The following WASL variants were observed in gnomAD, a reference collection of about 807,000 sequenced individuals.
WASL encodes WASP like actin nucleation promoting factor.
In WASL, 20 loss-of-function variants were observed where a neutral mutation model predicts 55.5. The ratio of observed to expected loss-of-function variants is 0.36; its 90% confidence interval spans 0.25 to 0.52. The LOEUF is 0.52. Ranked by LOEUF, WASL falls within the 20% of genes least tolerant of loss-of-function variation. The pLI is 0.92. For missense variants in WASL, 504 were observed against 622.5 expected (o/e 0.81, Z 2.03); for synonymous variants, 249 against 217.6 (o/e 1.14, Z -1.27).
At chr7:123,724,477 T>C (rs1476557904) in intron 1 of WASL, among the ~76,000 whole-genome samples, 4 of 152,220 alleles carry the variant, frequency 2.6e-5, no homozygotes, top group Non-Finnish European at 4.4e-5. Flanking sequence ...ATTTCATTTA[T>C]ACATCCAATA....
chr7:123,731,083 G>A (rs982160398), intron 1 of WASL, among the ~76,000 whole-genome samples: 8 of 152,086 alleles, frequency 5.3e-5, no homozygotes, highest in African/African-American at 1.9e-4. Context: ...GACAGACCCT[G>A]ATAACACTAA....
At chr7:123,706,228 C>T in intron 4 of WASL, 49 bp downstream of exon 4, 4 of 1,532,350 alleles carry the variant, frequency 2.6e-6, no homozygotes, top group Non-Finnish European at 3.6e-6. Context: ...ACACTTGCCC[C>T]ATGAGCATTA....
At chr7:123,693,396 T>C (rs1040564522) in intron 8 of WASL, among the ~76,000 whole-genome samples, 1 of 152,236 alleles carries the variant, frequency 6.6e-6, no homozygotes, top group Non-Finnish European at 1.5e-5. Flanking sequence ...TTTCAAAATG[T>C]AAGCCTTTGT....
intron 1 of WASL, among the ~76,000 whole-genome samples, chr7:123,721,895 A>G (rs917057869): frequency 2.0e-5 from 3 of 149,468 alleles, no homozygotes; most frequent in African/African-American, 7.4e-5. Context: ...AATGTTCTCT[A>G]TTTTTTAGAA....
At chr7:123,732,327 C>A (rs1584872183) in intron 1 of WASL, among the ~76,000 whole-genome samples, 2 of 151,934 alleles carry the variant, frequency 1.3e-5, no homozygotes, top group African/African-American at 4.8e-5. Flanking sequence ...GAGACTCTGT[C>A]TCGAAAAATA....
At chr7:123,701,945 TA>T (rs11413491) in intron 5 of WASL, among the ~76,000 whole-genome samples, 98 of 148,752 alleles carry the variant, frequency 6.6e-4, no homozygotes, top group South Asian at 2.1e-3. Context: ...ACAACACTAT[TA>T]AAAAAAAAAC....
intron 10 of WASL, among the ~76,000 whole-genome samples, chr7:123,684,940 T>A (rs535174237): frequency 4.6e-5 from 7 of 152,126 alleles, no homozygotes; most frequent in African/African-American, 1.7e-4. Context: ...TTTTATTTCC[T>A]TCCCCAATCT....
At chr7:123,718,831 G>C (rs533776902) in intron 1 of WASL, among the ~76,000 whole-genome samples, 1 of 152,332 alleles carries the variant, frequency 6.6e-6, no homozygotes, top group South Asian at 2.1e-4. Context: ...ATTTTAAATA[G>C]TTAATCTAAA....
At chr7:123,704,808 C>T in intron 4 of WASL, 151 bp from the exon 5 acceptor site, 1 of 470,242 alleles carries the variant, frequency 2.1e-6, no homozygotes, top group East Asian at 3.9e-5. Flanking sequence ...AAGTAGAGAT[C>T]TAAATAAAAT....
intron 1 of WASL, chr7:123,720,324 A>G (rs1184392532): frequency 2.2e-6 from 1 of 448,156 alleles, no homozygotes; most frequent in Non-Finnish European, 4.5e-6. Flanking sequence ...CAGCTATACA[A>G]ATAGGATACC....
chr7:123,695,309 CA>C (rs1454950273), intron 7 of WASL, among the ~76,000 whole-genome samples: 26 of 152,116 alleles, frequency 1.7e-4, no homozygotes, highest in Non-Finnish European at 1.5e-5. Flanking sequence ...GTAGCTATAA[CA>C]AAAATAACTA....
At chr7:123,689,928 G>C (rs1434626816) in intron 9 of WASL, among the ~76,000 whole-genome samples, 2 of 151,910 alleles carry the variant, frequency 1.3e-5, no homozygotes, top group Non-Finnish European at 2.9e-5. Flanking sequence ...TTTCCATTTT[G>C]ATCTGTACAA....
intron 1 of WASL, among the ~76,000 whole-genome samples, chr7:123,737,265 G>T (rs1804249738): frequency 6.6e-6 from 1 of 152,138 alleles, no homozygotes; most frequent in Non-Finnish European, 1.5e-5. Context: ...GGTTGGAAAA[G>T]CTTGGTCTAC....
intron 1 of WASL, among the ~76,000 whole-genome samples, chr7:123,740,218 T>C (rs183988335): frequency 6.0e-4 from 91 of 152,176 alleles, no homozygotes; most frequent in Admixed American, 2.7e-3. Flanking sequence ...TATATTATCT[T>C]TTATATATAT....
intron 1 of WASL, among the ~76,000 whole-genome samples, chr7:123,718,951 A>G (rs888774515): frequency 2.0e-5 from 3 of 152,218 alleles, no homozygotes; most frequent in African/African-American, 7.2e-5. Context: ...TACTATAGCT[A>G]TAATAATGCA....
chr7:123,727,932 T>A (rs1038197892), intron 1 of WASL, among the ~76,000 whole-genome samples: 1 of 152,206 alleles, frequency 6.6e-6, no homozygotes, highest in African/African-American at 2.4e-5. Flanking sequence ...GGTAGCTAGA[T>A]AAATTGGAAA....
chr7:123,697,548 ATGT>A (rs1318683825), intron 5 of WASL, among the ~76,000 whole-genome samples: 1 of 152,216 alleles, frequency 6.6e-6, no homozygotes, highest in Admixed American at 6.5e-5. Context: ...AGGGCAACAC[ATGT>A]TCCTCAGAGA....
intron 1 of WASL, among the ~76,000 whole-genome samples, chr7:123,725,629 G>T (rs185683048): frequency 3.0e-4 from 46 of 152,112 alleles, no homozygotes; most frequent in Non-Finnish European, 3.8e-4. Flanking sequence ...AACTTTACTT[G>T]TATTTTCTTA....
chr7:123,707,785 C>A (rs1803695736), intron 2 of WASL, among the ~76,000 whole-genome samples: 1 of 152,156 alleles, frequency 6.6e-6, no homozygotes, highest in Non-Finnish European at 1.5e-5. Flanking sequence ...TTCCCCACCC[C>A]CCAGAATCAC....
Sources: gnomAD v4.1 joint callset for allele counts (sites outside exome capture counted in the v4.1 genomes callset) on GRCh38, gnomAD v4.1.1 for gene constraint, MANE v1.5 for transcripts, NCBI Gene and HGNC (gene_info 2026-07-23, HGNC 2026-07-21) for gene names.